PTPRD: variants seen among roughly 807,000 people sequenced by gnomAD.
The protein encoded by PTPRD is receptor-type tyrosine-protein phosphatase delta.
PTPRD carries 34 observed loss-of-function variants against 214.5 expected under a neutral mutation model. That is an observed-to-expected ratio of 0.16 (90% confidence interval 0.12 to 0.21). The LOEUF (loss-of-function observed/expected upper bound fraction) is 0.21. Among genes scored for constraint, PTPRD ranks in the 10% least tolerant of loss-of-function variants. The pLI is 1.00. For missense variants in PTPRD, 2,545 were observed against 2,398.7 expected (o/e 1.06, Z -1.27); for synonymous variants, 1,128 against 845.7 (o/e 1.33, Z -5.79).
intron 3 of PTPRD, among the ~76,000 whole-genome samples, chr9:10,077,653 C>G (rs1307460046): frequency 6.6e-6 from 1 of 152,086 alleles, no homozygotes; most frequent in Non-Finnish European, 1.5e-5. Flanking sequence ...TCCGTTCCTC[C>G]TCTCTCAAGT....
chr9:8,758,909 TCTC>T (rs2094211579), intron 11 of PTPRD, among the ~76,000 whole-genome samples: 1 of 152,124 alleles, frequency 6.6e-6, no homozygotes, highest in Non-Finnish European at 1.5e-5. Context: ...ATGGTCTCGA[TCTC>T]CTGACCTCGT....
intron 11 of PTPRD, among the ~76,000 whole-genome samples, chr9:8,903,955 G>C (rs1169247891): frequency 6.6e-6 from 1 of 152,136 alleles, no homozygotes; most frequent in African/African-American, 2.4e-5. Flanking sequence ...AAAGCAAGAA[G>C]TCTAAACGTG....
At chr9:10,365,271 T>C (rs2097494044) in intron 2 of PTPRD, among the ~76,000 whole-genome samples, 11 of 152,206 alleles carry the variant, frequency 7.2e-5, no homozygotes, top group Admixed American at 5.2e-4. Flanking sequence ...ACTCTGCTTA[T>C]AGATTTAAGC....
At chr9:9,559,922 C>A (rs1299340105) in intron 8 of PTPRD, among the ~76,000 whole-genome samples, 2 of 152,364 alleles carry the variant, frequency 1.3e-5, no homozygotes, top group East Asian at 3.9e-4. Flanking sequence ...CCAGCTTCCA[C>A]AGCTGCCAAT....
intron 9 of PTPRD, among the ~76,000 whole-genome samples, chr9:9,307,599 G>C (rs1957536603): frequency 2.0e-5 from 3 of 152,024 alleles, no homozygotes; most frequent in Admixed American, 2.0e-4. Context: ...GCTTTAGGTA[G>C]AATCCCATTA....
At position 10,287,503 on chromosome 9, in the gene PTPRD, T is replaced by C. The variant is rs572742409; in HGVS notation, c.-545+53460A>G. Among the ~76,000 whole-genome samples, 7 of 152,200 alleles carry C rather than the reference T, an allele frequency of 4.6e-5. No homozygotes were observed. In the South Asian group the frequency reaches 1.5e-3, roughly 32 times the overall value. ...ATGAATCTGAGTGCCATGAAAAGTA[T>C]CTACATAATGATGCCGCCATTGCTA... is the stretch of plus-strand genomic sequence containing the variant. On this transcript the variant is annotated intron_variant, in intron 3 of 45. Coordinates refer to ENST00000381196, the MANE Select transcript of PTPRD (RefSeq NM_002839.4).
At chr9:9,227,535 G>C (rs1390836032) in intron 9 of PTPRD, among the ~76,000 whole-genome samples, 1 of 152,082 alleles carries the variant, frequency 6.6e-6, no homozygotes, top group Non-Finnish European at 1.5e-5. Context: ...CCCTATAAGA[G>C]ACAAAGGCTT....
intron 14 of PTPRD, among the ~76,000 whole-genome samples, chr9:8,576,859 G>A (rs1382196364): frequency 6.6e-6 from 1 of 152,040 alleles, no homozygotes; most frequent in African/African-American, 2.4e-5. Context: ...TTCCTTAGTG[G>A]CAATATTCAA....
intron 10 of PTPRD, among the ~76,000 whole-genome samples, chr9:9,082,438 T>C (rs941044544): frequency 6.6e-6 from 1 of 152,008 alleles, no homozygotes; most frequent in Non-Finnish European, 1.5e-5. Context: ...AAACTAGGTA[T>C]TGATGGAATG....
At chr9:10,100,320 A>T (rs921903213) in intron 3 of PTPRD, among the ~76,000 whole-genome samples, 1 of 151,720 alleles carries the variant, frequency 6.6e-6, no homozygotes, top group South Asian at 2.1e-4. Flanking sequence ...TCCTCAATCT[A>T]TAGAGAAAAT....
intron 9 of PTPRD, among the ~76,000 whole-genome samples, chr9:9,268,674 A>G (rs1941321839): frequency 6.6e-6 from 1 of 151,086 alleles, no homozygotes; most frequent in Non-Finnish European, 1.5e-5. Context: ...ACATACAAAG[A>G]GAAGAGAACA....
chr9:8,819,022 C>T (rs1455041713), intron 11 of PTPRD, among the ~76,000 whole-genome samples: 1 of 152,082 alleles, frequency 6.6e-6, no homozygotes, highest in African/African-American at 2.4e-5. Flanking sequence ...CAAAATATTG[C>T]CATGTCAGAA....
intron 2 of PTPRD, among the ~76,000 whole-genome samples, chr9:10,464,412 CAGAG>C (rs139389141): frequency 1.7e-4 from 25 of 143,438 alleles, no homozygotes; most frequent in African/African-American, 4.2e-4. Context: ...GATAGAGAGA[CAGAG>C]AGAGAGAGAG....
rs971115130 is a variant in PTPRD, at chr9:9,822,564, A to G, written c.-367-55713T>C. Among the ~76,000 whole-genome samples, 5 of 149,720 alleles carry G rather than the reference A, an allele frequency of 3.3e-5. No homozygotes were observed. The South Asian group carries it at 8.3e-4, about 25-fold the overall frequency. On this transcript the variant is annotated intron_variant, in intron 5 of 45. Coordinates refer to ENST00000381196, the MANE Select transcript of PTPRD (RefSeq NM_002839.4). ...AATAACCAACTACAAATAGTATCAT[A>G]TCATCCATTTATTTTTTTCCTTTCT...
rs1333991009 is a variant in PTPRD at position 8,314,900 on chromosome 9, C to T, written c.*2974G>A. 4.3e-6 allele frequency: 1 copy of T among 232,362 alleles called. No individual in the cohort carries two copies. The highest frequency in any genetic ancestry group is 6.0e-5 in the East Asian group (1 of 16,542). The allele number at this position is 232,362 out of a possible 1,614,324, so 14.4% of individuals were successfully genotyped here. ...AAAGTTCCCTAGAGGCCCTTCCCTC[C>T]CCTGGCTGTCCTCGCCGTTTTCTAA... On this transcript the variant is annotated 3_prime_UTR_variant, in exon 46 of 46. Coordinates refer to ENST00000381196, the MANE Select transcript of PTPRD (RefSeq NM_002839.4).
chr9:10,274,437 G>T (rs950868208), intron 3 of PTPRD, among the ~76,000 whole-genome samples: 1 of 152,078 alleles, frequency 6.6e-6, no homozygotes, highest in African/African-American at 2.4e-5. Flanking sequence ...ATAGTTTCCT[G>T]CAACCATTAG....
intron 3 of PTPRD, among the ~76,000 whole-genome samples, chr9:10,036,776 G>A (rs974097786): frequency 7.2e-5 from 11 of 152,072 alleles, no homozygotes; most frequent in Admixed American, 6.6e-4. Context: ...TAGAGACAGG[G>A]TTTCATCATG....
intron 5 of PTPRD, among the ~76,000 whole-genome samples, chr9:9,811,181 G>T (rs897167171): frequency 2.6e-5 from 4 of 152,044 alleles, no homozygotes; most frequent in African/African-American, 9.7e-5. Flanking sequence ...CTCAGCCTGC[G>T]CAACAAGAAT....
At chr9:8,398,101 A>C (rs951927082) in intron 36 of PTPRD, among the ~76,000 whole-genome samples, 2 of 152,186 alleles carry the variant, frequency 1.3e-5, no homozygotes, top group African/African-American at 4.8e-5. Flanking sequence ...ATATCAAAGA[A>C]ATTTTGTCTG....
Sources: gnomAD v4.1 joint callset for allele counts (sites outside exome capture counted in the v4.1 genomes callset) on GRCh38, gnomAD v4.1.1 for gene constraint, MANE v1.5 for transcripts, NCBI Gene and HGNC (gene_info 2026-07-23, HGNC 2026-07-21) for gene names.